The following SASH1 variants were observed in gnomAD, a reference collection of about 807,000 sequenced individuals.
SASH1 encodes SAM and SH3 domain containing 1, also known as SAM and SH3 domain-containing protein 1.
In SASH1, 44 loss-of-function variants were observed where a neutral mutation model predicts 125.2. The observed-to-expected ratio is 0.35, with a 90% CI of 0.28 to 0.45. The LOEUF (loss-of-function observed/expected upper bound fraction) is 0.45. SASH1 is among the 20% of genes least tolerant of loss of function. The pLI is 1.00. For synonymous variants in SASH1, 639 were observed against 649.1 expected (o/e 0.98, Z 0.24); for missense variants, 1,426 against 1,614.5 (o/e 0.88, Z 2.00).
intron 15 of SASH1, 48 bp downstream of exon 15, chr6:148,534,028 T>C: frequency 6.4e-7 from 1 of 1,572,760 alleles, no homozygotes; most frequent in South Asian, 1.1e-5. Context: ...CACTGCCTTT[T>C]TCTCTCCTAC....
At chr6:148,494,877 T>G (rs1349324519) in intron 8 of SASH1, among the ~76,000 whole-genome samples, 1 of 152,214 alleles carries the variant, frequency 6.6e-6, no homozygotes, top group Non-Finnish European at 1.5e-5. Context: ...ACTTCCAAGG[T>G]CTCAACTAAA....
intron 1 of SASH1, among the ~76,000 whole-genome samples, chr6:148,368,765 C>CGTGT (rs1782580800): frequency 2.3e-5 from 3 of 128,818 alleles, no homozygotes; most frequent in Admixed American, 7.6e-5. Flanking sequence ...CGCGCGCACG[C>CGTGT]GCGCGCACAC....
At chr6:148,506,353 T>A (rs1295777225) in intron 8 of SASH1, among the ~76,000 whole-genome samples, 1 of 151,886 alleles carries the variant, frequency 6.6e-6, no homozygotes, top group Non-Finnish European at 1.5e-5. Context: ...CGGGTGCCTG[T>A]AATCCCAGCT....
chr6:148,239,678 T>A, the SASH1 span, among the ~76,000 whole-genome samples: 1 of 150,250 alleles, frequency 6.7e-6, no homozygotes, highest in Non-Finnish European at 1.5e-5. Context: ...TGCTAATCAA[T>A]GTCTCAGCCA....
chr6:148,549,573 A>C lies in SASH1; in HGVS notation c.*1015A>C. On this transcript the variant is annotated 3_prime_UTR_variant, in exon 20 of 20. Transcript: ENST00000367467. ...TCAGTTAACGGATCATGTTTGCAAAAGGTCACTGTGAGGCTGCATATTTCA... is the reference window on the plus strand; with the variant it reads ...TCAGTTAACGGATCATGTTTGCAAACGGTCACTGTGAGGCTGCATATTTCA... The C allele has an allele frequency of 2.5e-6, 1 of 398,964 alleles. No individual in the cohort carries two copies. The highest frequency in any genetic ancestry group is 4.4e-6 in the Non-Finnish European group (1 of 226,004). 24.7% of individuals were successfully genotyped at this position (398,964 alleles called of 1,614,324 possible).
the SASH1 span, among the ~76,000 whole-genome samples, chr6:148,261,453 CAG>C: frequency 6.6e-6 from 1 of 152,164 alleles, no homozygotes; most frequent in African/African-American, 2.4e-5. Context: ...GAAATGCAAA[CAG>C]GGCAATTTAT....
At chr6:148,518,738 C>T (rs1583290466) in intron 9 of SASH1, among the ~76,000 whole-genome samples, 2 of 152,170 alleles carry the variant, frequency 1.3e-5, no homozygotes, top group Non-Finnish European at 2.9e-5. Context: ...ATAACACATG[C>T]GGAAAAGAAC....
chr6:148,235,208 A>G, the SASH1 span, among the ~76,000 whole-genome samples: 1 of 152,196 alleles, frequency 6.6e-6, no homozygotes, highest in East Asian at 1.9e-4. Flanking sequence ...CAATTGGTGT[A>G]TGTGTATGGT....
intron 2 of SASH1, among the ~76,000 whole-genome samples, chr6:148,437,469 G>A (rs974632537): frequency 6.6e-6 from 1 of 152,188 alleles, no homozygotes; most frequent in African/African-American, 2.4e-5. Flanking sequence ...AGCTGCCCTT[G>A]ATAAAACAAA....
At chr6:148,436,884 C>T (rs1776313066) in intron 2 of SASH1, among the ~76,000 whole-genome samples, 1 of 152,222 alleles carries the variant, frequency 6.6e-6, no homozygotes, top group Non-Finnish European at 1.5e-5. Context: ...GTAAATGAAA[C>T]AGTCGGTGTA....
At chr6:148,537,404 A>G (rs990199096) in intron 16 of SASH1, among the ~76,000 whole-genome samples, 4 of 152,190 alleles carry the variant, frequency 2.6e-5, no homozygotes, top group African/African-American at 9.7e-5. Context: ...GCCTCTTACA[A>G]ATTGCTAAAA....
At chr6:148,275,880 C>T (rs779533561) in intron 1 of SASH1, among the ~76,000 whole-genome samples, 3 of 152,142 alleles carry the variant, frequency 2.0e-5, no homozygotes, top group Non-Finnish European at 4.4e-5. Flanking sequence ...CATGATCACA[C>T]CCAGCTGATT....
intron 2 of SASH1, among the ~76,000 whole-genome samples, chr6:148,410,595 A>G (rs1290662223): frequency 1.3e-5 from 2 of 152,202 alleles, no homozygotes; most frequent in African/African-American, 4.8e-5. Flanking sequence ...CTCTTGAGAC[A>G]AGAGCCATAT....
chr6:148,460,603 T>C (rs1459977272), intron 4 of SASH1, among the ~76,000 whole-genome samples: 2 of 152,188 alleles, frequency 1.3e-5, no homozygotes, highest in Non-Finnish European at 2.9e-5. Flanking sequence ...AGTGCCTATA[T>C]TGAAAAGCTA....
intron 1 of SASH1, among the ~76,000 whole-genome samples, chr6:148,382,348 G>C (rs550016505): frequency 6.6e-6 from 1 of 152,274 alleles, no homozygotes; most frequent in East Asian, 1.9e-4. Context: ...GGAGTGCGAT[G>C]GTGCCATCTT....
chr6:148,207,343 A>G, the SASH1 span, among the ~76,000 whole-genome samples: 1 of 152,298 alleles, frequency 6.6e-6, no homozygotes, highest in East Asian at 1.9e-4. Context: ...TGTAAACTCT[A>G]TAGACTCATG....
At chr6:148,368,943 G>A (rs142050893) in intron 1 of SASH1, among the ~76,000 whole-genome samples, 6 of 152,346 alleles carry the variant, frequency 3.9e-5, no homozygotes, top group African/African-American at 7.2e-5. Flanking sequence ...GCATTCATAT[G>A]ATGTGGGAAG....
intron 2 of SASH1, among the ~76,000 whole-genome samples, chr6:148,432,079 G>A (rs527786089): frequency 2.0e-5 from 3 of 151,652 alleles, no homozygotes; most frequent in East Asian, 1.9e-4. Context: ...GGGTTCAAGC[G>A]ATTCTGATGC....
At chr6:148,427,726 T>C (rs1775886492) in intron 2 of SASH1, among the ~76,000 whole-genome samples, 1 of 152,210 alleles carries the variant, frequency 6.6e-6, no homozygotes, top group South Asian at 2.1e-4. Flanking sequence ...TCAACTCTGA[T>C]GTATTTTAGC....
Sources: allele counts gnomAD v4.1 joint callset (sites outside exome capture counted in the v4.1 genomes callset), GRCh38; gene constraint gnomAD v4.1.1; transcripts MANE v1.5; gene names NCBI Gene and HGNC (gene_info 2026-07-23, HGNC 2026-07-21).